FHIP1B: variants seen among roughly 807,000 people sequenced by gnomAD.
The protein encoded by FHIP1B is FHF complex subunit HOOK-interacting protein 1B.
A neutral mutation model predicts 82.2 loss-of-function variants in FHIP1B; 28 were observed. The ratio of observed to expected loss-of-function variants is 0.34; its 90% CI spans 0.25 to 0.47. The LOEUF is 0.47. FHIP1B is among the 20% of genes least tolerant of loss of function. The pLI, the probability that FHIP1B is intolerant of heterozygous loss-of-function variation, is 1.00. For synonymous variants in FHIP1B, 585 were observed against 516.1 expected, an observed-to-expected ratio of 1.13 and a Z score of -1.81; for missense variants, 1,110 against 1,262.6, an observed-to-expected ratio of 0.88 and a Z score of 1.83.
At chr11:6,211,979 G>A in intron 11 of FHIP1B, 112 bp from the exon 12 acceptor site, 1 of 1,435,464 alleles carries the variant, frequency 7.0e-7, no homozygotes, top group South Asian at 1.7e-5. Flanking sequence ...TTAGGGTTCT[G>A]AGGAAATGGA....
intron 11 of FHIP1B, among the ~76,000 whole-genome samples, chr11:6,212,303 T>C (rs573351412): frequency 1.3e-5 from 2 of 152,340 alleles, no homozygotes; most frequent in Non-Finnish European, 2.9e-5. Flanking sequence ...GTCTATAGCA[T>C]GCCCTGATTT....
intron 9 of FHIP1B, among the ~76,000 whole-genome samples, chr11:6,216,029 GAAA>G (rs912109502): frequency 6.7e-6 from 1 of 149,124 alleles, no homozygotes; most frequent in Admixed American, 6.7e-5. Context: ...AAGTTTCTTG[GAAA>G]AAAAAAATTG....
chr11:6,218,271 C>G, intron 8 of FHIP1B, 121 bp from the exon 9 acceptor site: 1 of 1,366,160 alleles, frequency 7.3e-7, no homozygotes, highest in Non-Finnish European at 9.7e-7. Context: ...TCTATTCAGA[C>G]AGCTAACTCT....
At position 6,211,667 on chromosome 11, in the gene FHIP1B, G is replaced by A. The variant is rs200174554; in HGVS notation, c.2758C>T (p.Arg920Ter). Residue 920 changes from arginine (R) to a stop codon, truncating the protein, a stop_gained, in exon 12 of 12, where the codon CGA becomes TGA. Transcript: ENST00000449352. LOFTEE classifies it high-confidence loss of function. ...GCACAGTAGACAGCATTCTTGACTC[G>A]AAGAGCCTCACCTTGGCGTTCAGGG... is the stretch of plus-strand genomic sequence containing the variant. ...GAPERQGEALRVKNAVYCAVI... is the reference protein window; with the variant it reads ...GAPERQGEAL The A allele has an allele frequency of 1.9e-6, 3 of 1,614,182 alleles. No individual in the cohort carries two copies. Among genetic ancestry groups the A allele is most frequent in the Non-Finnish European group, 8.5e-7 (1 of 1,180,022 alleles).
chr11:6,218,904 C>T, intron 7 of FHIP1B, 67 bp downstream of exon 7: 2 of 1,585,468 alleles, frequency 1.3e-6, no homozygotes, highest in Non-Finnish European at 1.7e-6. Flanking sequence ...TAGCCCATTG[C>T]CCCAGCAATG....
intron 7 of FHIP1B, 29 bp from the exon 8 acceptor site, chr11:6,218,792 G>C: frequency 6.2e-7 from 1 of 1,611,296 alleles, no homozygotes; most frequent in Non-Finnish European, 8.5e-7. Context: ...AGGGGACACA[G>C]GGTAGATCAG....
At chr11:6,212,067 G>C (rs1008133506) in intron 11 of FHIP1B, 200 bp from the exon 12 acceptor site, 2 of 632,794 alleles carry the variant, frequency 3.2e-6, no homozygotes, top group Non-Finnish European at 3.9e-6. Flanking sequence ...CTGAGGAGTA[G>C]AGTGAGGAGT....
chr11:6,234,589 G>A lies in FHIP1B; in HGVS notation c.-237C>T, dbSNP rs1847794834. Reference sequence around the variant, plus strand: ...AACCTGGCCGGGCCCGGTTGCTGCTGCGGTGTTAGGTGAGTTCAGGCCGCC... The same window carrying A: ...AACCTGGCCGGGCCCGGTTGCTGCTACGGTGTTAGGTGAGTTCAGGCCGCC... On this transcript the variant is annotated 5_prime_UTR_variant, in exon 1 of 12. Coordinates refer to ENST00000449352, the MANE Select transcript of FHIP1B (RefSeq NM_001098794.2). The A allele has an allele frequency of 6.6e-6, 1 of 152,582 alleles. No homozygotes were observed. Among genetic ancestry groups the A allele is most frequent in the South Asian group, 2.0e-4 (1 of 4,912 alleles). 9.5% of individuals were successfully genotyped at this position (152,582 alleles called of 1,614,324 possible). A position where few individuals can be genotyped will look rare whatever the true frequency, so the allele number is the denominator to read the frequency against.
At chr11:6,227,328 A>G (rs1381398505) in intron 1 of FHIP1B, among the ~76,000 whole-genome samples, 1 of 152,238 alleles carries the variant, frequency 6.6e-6, no homozygotes. Context: ...ATTGCCCAAC[A>G]TTACCCAGCT....
chr11:6,214,829 C>T lies in FHIP1B; in HGVS notation c.2298G>A (p.Leu766=). The T allele has an allele frequency of 6.2e-7, 1 of 1,612,082 alleles. No homozygotes were observed. Among genetic ancestry groups the T allele is most frequent in the Non-Finnish European group, 8.5e-7 (1 of 1,179,104 alleles). Reference sequence around the variant, plus strand: ...GGGGGTGACAGGCCAGCTGGGCCACCAGCCCCGTCAGCAGGAAGTTGACAT... The same window carrying T: ...GGGGGTGACAGGCCAGCTGGGCCACTAGCCCCGTCAGCAGGAAGTTGACAT... ...SVYVNFLLTG[L]VAQLACHPQP... Residue 766 remains leucine (L), a synonymous_variant, in exon 10 of 12, where the codon CTG becomes CTA. Coordinates refer to ENST00000449352, the MANE Select transcript of FHIP1B (RefSeq NM_001098794.2).
intron 6 of FHIP1B, among the ~76,000 whole-genome samples, chr11:6,221,700 C>A (rs1180947757): frequency 6.6e-6 from 1 of 152,122 alleles, no homozygotes; most frequent in African/African-American, 2.4e-5. Context: ...AATAAGTTAA[C>A]TCCTTTATAA....
At chr11:6,218,879 T>C in intron 7 of FHIP1B, 92 bp downstream of exon 7, 2 of 1,565,014 alleles carry the variant, frequency 1.3e-6, no homozygotes, top group Non-Finnish European at 1.8e-6. Flanking sequence ...TGGAAACTCA[T>C]GAGTAACCCC....
At chr11:6,218,520 C>T (rs934448829) in intron 8 of FHIP1B, 80 bp downstream of exon 8, 4 of 1,592,028 alleles carry the variant, frequency 2.5e-6, no homozygotes, top group African/African-American at 1.3e-5. Flanking sequence ...TTCACCCCAG[C>T]CCCTCCTTGC....
rs1283520457 is a variant in FHIP1B at position 6,224,475 on chromosome 11, G to A, written c.42C>T (p.Gly14=). ...MNWLSRLASR[G]PGHRIPQGAN... is the part of the protein sequence containing the mutation. ...CCCCTTGAGGTATACGGTGCCCAGG[G>A]CCCCGGGAGGCCAGTCTGCTCAGCC... Residue 14 remains glycine (G), a synonymous_variant, in exon 2 of 12, where the codon GGC becomes GGT. Coordinates refer to ENST00000449352, the MANE Select transcript of FHIP1B (RefSeq NM_001098794.2). 8 of 1,613,906 alleles carry A rather than the reference G, an allele frequency of 5.0e-6. No individual in the cohort carries two copies. The highest frequency in any genetic ancestry group is 6.8e-6 in the Non-Finnish European group (8 of 1,179,954).
Position 6,224,492 on chromosome 11 carries a change from T to C in FHIP1B, c.25A>G (p.Arg9Gly), listed in dbSNP as rs567228117. Residue 9 changes from arginine (R) to glycine (G), a missense_variant, in exon 2 of 12, where the codon AGA becomes GGA. By Grantham distance (125) the Arg-to-Gly change is moderately radical. Around this residue, in one of 6 missense-constraint regions of FHIP1B, gnomAD observed 467 missense variants for 602.9 expected, o/e 0.77. Coordinates refer to ENST00000449352, the MANE Select transcript of FHIP1B (RefSeq NM_001098794.2). ...TGCCCAGGGCCCCGGGAGGCCAGTC[T>C]GCTCAGCCAATTCATCCTCTCCATG... MERMNWLS[R>G]LASRGPGHRI... is the part of the protein sequence containing the mutation. 419 of 1,613,616 alleles carry C rather than the reference T, an allele frequency of 2.6e-4. 6 individuals carry two copies. The South Asian group carries it at 4.4e-3, about 17-fold the overall frequency.
chr11:6,217,086 G>A, intron 9 of FHIP1B: 1 of 702,904 alleles, frequency 1.4e-6, no homozygotes, highest in Non-Finnish European at 2.6e-6. Context: ...CAAATCGCAG[G>A]AAATGGCCAG....
rs758013945 is a variant in FHIP1B at position 6,222,530 on chromosome 11, C to T, written c.1103G>A (p.Arg368His). Residue 368 changes from arginine (R) to histidine (H), a missense_variant, in exon 6 of 12, where the codon CGT (arginine) becomes CAT (histidine). By Grantham distance (29) the Arg-to-His change is conservative (BLOSUM62 0). Coordinates refer to ENST00000449352, the MANE Select transcript of FHIP1B (RefSeq NM_001098794.2). ...CAACAACAGGAATCGCAGGAAGGTA[C>T]GGAGCAAAGCAGGCTCTGAGATACT... ...LRSISEPALL[R>H]TFLRFLLLHR... is the part of the protein sequence containing the mutation. 8 of 1,613,798 alleles carry T rather than the reference C, an allele frequency of 5.0e-6. No homozygotes were observed. The highest frequency in any genetic ancestry group is 2.2e-5 in the East Asian group (1 of 44,874).
chr11:6,214,752 C>G lies in FHIP1B; in HGVS notation c.2375G>C (p.Ser792Thr). The G allele has an allele frequency of 6.3e-7, 1 of 1,586,750 alleles. No homozygotes were observed. The highest frequency in any genetic ancestry group is 8.6e-7 in the Non-Finnish European group (1 of 1,164,008). The stretch of plus-strand genomic sequence containing the variant: ...GCACACCTGCAGCAGGGACTTGACA[C>G]TGGGCTGGAAGACCATGTTGGTGTT... Reference protein sequence around the residue: ...LLNTNMVFQPSVKSLLQVLGS... With the variant: ...LLNTNMVFQPTVKSLLQVLGS... The change falls in exon 10 of 12, where the codon AGT becomes ACT. Residue 792 changes from serine (S) to threonine (T), a missense_variant. Ser to Thr is a moderately conservative substitution (Grantham distance 58). Around this residue, in one of 6 missense-constraint regions of FHIP1B, gnomAD observed 39 missense variants for 79.6 expected, o/e 0.49. Transcript: ENST00000449352.
At chr11:6,221,247 C>A (rs1274949656) in intron 6 of FHIP1B, among the ~76,000 whole-genome samples, 2 of 152,048 alleles carry the variant, frequency 1.3e-5, no homozygotes, top group Non-Finnish European at 2.9e-5. Context: ...TGACCTGGAA[C>A]TCTACTATCT....
Sources: gnomAD v4.1 joint callset for allele counts (sites outside exome capture counted in the v4.1 genomes callset) on GRCh38, gnomAD v4.1.1 for gene constraint, gnomAD v4.1.1 regional missense constraint, MANE v1.5 for transcripts, NCBI Gene and HGNC (gene_info 2026-07-23, HGNC 2026-07-21) for gene names.